The following TEC variants were observed in gnomAD, a reference collection of about 807,000 sequenced individuals.
TEC encodes the protein tyrosine-protein kinase Tec.
A neutral mutation model predicts 93.0 loss-of-function variants in TEC; 72 were observed. The ratio of observed to expected loss-of-function variants is 0.77; its 90% CI spans 0.64 to 0.94. The LOEUF is 0.94. Among genes scored for constraint, TEC ranks in the 40% least tolerant of loss-of-function variants. The pLI is 0.00. For synonymous variants in TEC, 249 were observed against 247.7 expected, an observed-to-expected ratio of 1.01 and a Z score of -0.05; for missense variants, 630 against 757.9, an observed-to-expected ratio of 0.83 and a Z score of 1.98.
At chr4:48,195,376 G>A (rs964594306) in intron 2 of TEC, among the ~76,000 whole-genome samples, 3 of 152,032 alleles carry the variant, frequency 2.0e-5, no homozygotes, top group African/African-American at 7.2e-5. Flanking sequence ...AATAGAAAAA[G>A]AGCCCATCAT....
At chr4:48,141,673 TTTC>T (rs1719676035) in intron 14 of TEC, 22 of 331,574 alleles carry the variant, frequency 6.6e-5, no homozygotes, top group Admixed American at 1.1e-4. Flanking sequence ...GTCTTTTTTT[TTTC>T]TTTTCTTTCT....
intron 1 of TEC, among the ~76,000 whole-genome samples, chr4:48,259,376 A>C (rs1393940895): frequency 6.6e-6 from 1 of 152,148 alleles, no homozygotes; most frequent in Non-Finnish European, 1.5e-5. Flanking sequence ...TAAAAGAAAA[A>C]AGAAATCCAC....
At chr4:48,196,725 C>T (rs759862260) in intron 2 of TEC, among the ~76,000 whole-genome samples, 14 of 151,988 alleles carry the variant, frequency 9.2e-5, no homozygotes, top group Non-Finnish European at 1.9e-4. Flanking sequence ...TGACAAATAT[C>T]GGTTTTCTAA....
intron 2 of TEC, among the ~76,000 whole-genome samples, chr4:48,200,209 A>G (rs1469328587): frequency 6.6e-6 from 1 of 150,852 alleles, no homozygotes. Context: ...GAAAGGACAT[A>G]GGTAATGTAC....
intron 9 of TEC, among the ~76,000 whole-genome samples, chr4:48,151,300 G>GA (rs1347125316): frequency 1.3e-5 from 2 of 152,078 alleles, no homozygotes; most frequent in Non-Finnish European, 2.9e-5. Context: ...AAACTGTCAT[G>GA]AAAAAATGTA....
rs55789985 is a variant in TEC, at chr4:48,229,645, G to A, written c.-45-986C>T. Among the ~76,000 whole-genome samples, 47 of 151,908 alleles carry A rather than the reference G, an allele frequency of 3.1e-4. No homozygotes were observed. In the South Asian group the frequency reaches 7.9e-3, roughly 26 times the overall value. ...ACAAAAATTAGCTGGGCATGGTGGC[G>A]CATGCCTGTAATCCCAGCTACTCAG... On this transcript the variant is annotated intron_variant, in intron 1 of 17. Transcript: ENST00000381501.
chr4:48,228,434 A>G, intron 2 of TEC, 43 bp downstream of exon 2: 2 of 1,514,962 alleles, frequency 1.3e-6, no homozygotes, highest in Non-Finnish European at 1.8e-6. Flanking sequence ...TAAAATCGTT[A>G]TCTACATAGA....
chr4:48,162,039 T>C (rs1720689793), intron 8 of TEC, among the ~76,000 whole-genome samples: 1 of 152,204 alleles, frequency 6.6e-6, no homozygotes, highest in South Asian at 2.1e-4. Flanking sequence ...CTCCCTTTTA[T>C]ATATACATCT....
At chr4:48,198,322 C>G (rs1271692121) in intron 2 of TEC, among the ~76,000 whole-genome samples, 1 of 152,186 alleles carries the variant, frequency 6.6e-6, no homozygotes, top group African/African-American at 2.4e-5. Flanking sequence ...AACAAGTTCC[C>G]CATGTGAGGG....
At chr4:48,250,602 G>A (rs2109667774) in intron 1 of TEC, among the ~76,000 whole-genome samples, 1 of 152,254 alleles carries the variant, frequency 6.6e-6, no homozygotes, top group South Asian at 2.1e-4. Flanking sequence ...GAATCCAACT[G>A]TCCAGCCTGA....
chr4:48,164,667 A>T (rs1720809092), intron 7 of TEC, among the ~76,000 whole-genome samples: 1 of 152,168 alleles, frequency 6.6e-6, no homozygotes, highest in Admixed American at 6.6e-5. Context: ...CTGTCTCTAA[A>T]TACCATTTGT....
intron 2 of TEC, among the ~76,000 whole-genome samples, chr4:48,203,331 C>T (rs1447717967): frequency 1.3e-5 from 2 of 149,194 alleles, no homozygotes; most frequent in Non-Finnish European, 3.0e-5. Flanking sequence ...CACCACTGCA[C>T]TCCAGCCTGG....
chr4:48,264,722 A>G (rs1724587504), intron 1 of TEC, among the ~76,000 whole-genome samples: 1 of 150,582 alleles, frequency 6.6e-6, no homozygotes, highest in Non-Finnish European at 1.5e-5. Flanking sequence ...CTACAACCTC[A>G]GCCTCTCAGG....
intron 3 of TEC, 109 bp from the exon 4 acceptor site, chr4:48,171,558 T>C: frequency 2.7e-6 from 2 of 733,190 alleles, no homozygotes; most frequent in Non-Finnish European, 2.1e-6. Flanking sequence ...CTCAAATAAC[T>C]GAAAGTCAAT....
intron 2 of TEC, among the ~76,000 whole-genome samples, chr4:48,209,871 C>T (rs1210653390): frequency 6.6e-6 from 1 of 152,088 alleles, no homozygotes; most frequent in Non-Finnish European, 1.5e-5. Flanking sequence ...TGTAAACATG[C>T]TTGTTTATTA....
chr4:48,256,429 T>TA (rs1216814377), intron 1 of TEC, among the ~76,000 whole-genome samples: 66 of 148,244 alleles, frequency 4.5e-4, no homozygotes, highest in Middle Eastern at 3.4e-3. Flanking sequence ...ACAAAAAATT[T>TA]AAAAAAAAAA....
chr4:48,197,962 T>C (rs1329847248), intron 2 of TEC, among the ~76,000 whole-genome samples: 1 of 152,186 alleles, frequency 6.6e-6, no homozygotes, highest in Non-Finnish European at 1.5e-5. Flanking sequence ...CCCCACACCC[T>C]ACCCCTTATA....
chr4:48,246,012 G>A (rs1010246765), intron 1 of TEC, among the ~76,000 whole-genome samples: 1 of 152,118 alleles, frequency 6.6e-6, no homozygotes, highest in Non-Finnish European at 1.5e-5. Context: ...GGGAGGCTGT[G>A]GCACAAGAAT....
At chr4:48,239,107 A>G (rs1366883825) in intron 1 of TEC, among the ~76,000 whole-genome samples, 1 of 152,108 alleles carries the variant, frequency 6.6e-6, no homozygotes, top group Non-Finnish European at 1.5e-5. Flanking sequence ...CCTTGCAAAA[A>G]CTGGTAAAAC....
Sources: allele counts gnomAD v4.1 joint callset (sites outside exome capture counted in the v4.1 genomes callset), GRCh38; gene constraint gnomAD v4.1.1; transcripts MANE v1.5; gene names NCBI Gene and HGNC (gene_info 2026-07-23, HGNC 2026-07-21).